The following INPP4B variants were observed in gnomAD, a reference collection of about 807,000 sequenced individuals.
The protein encoded by INPP4B is inositol polyphosphate 4-phosphatase type II.
In INPP4B, 55 loss-of-function variants were observed where a neutral mutation model predicts 122.5. That is an observed-to-expected ratio of 0.45 (90% CI 0.36 to 0.56). The LOEUF (loss-of-function observed/expected upper bound fraction) is 0.56, where lower values mean the gene tolerates loss of function less well. Ranked by LOEUF, INPP4B falls within the 20% of genes least tolerant of loss-of-function variation. INPP4B has a pLI of 0.00. For missense variants in INPP4B, 1,000 were observed against 1,097.7 expected (o/e 0.91, Z 1.26); for synonymous variants, 403 against 388.7 (o/e 1.04, Z -0.43).
At chr4:142,293,117 C>T (rs1218494330) in intron 9 of INPP4B, among the ~76,000 whole-genome samples, 1 of 150,544 alleles carries the variant, frequency 6.6e-6, no homozygotes, top group African/African-American at 2.4e-5. Flanking sequence ...TGGCTGACTG[C>T]AACCTCCACT....
At chr4:142,250,218 A>G (rs2150175751) in intron 11 of INPP4B, among the ~76,000 whole-genome samples, 1 of 152,304 alleles carries the variant, frequency 6.6e-6, no homozygotes, top group South Asian at 2.1e-4. Flanking sequence ...CAACATACAC[A>G]TTCAACTTGC....
chr4:142,113,378 A>T (rs1480660549), intron 21 of INPP4B, among the ~76,000 whole-genome samples: 1 of 152,014 alleles, frequency 6.6e-6, no homozygotes, highest in East Asian at 1.9e-4. Flanking sequence ...TGAATATAGA[A>T]ATTTAGAAAG....
At chr4:142,364,744 T>A (rs1340750613) in intron 7 of INPP4B, among the ~76,000 whole-genome samples, 1 of 151,978 alleles carries the variant, frequency 6.6e-6, no homozygotes, top group Non-Finnish European at 1.5e-5. Context: ...CAGGATCAGA[T>A]TCAGGAGACT....
chr4:142,105,798 A>T (rs1325473652), intron 23 of INPP4B, among the ~76,000 whole-genome samples: 1 of 152,178 alleles, frequency 6.6e-6, no homozygotes, highest in East Asian at 1.9e-4. Flanking sequence ...CATTGACACA[A>T]ATTATCCCTT....
intron 25 of INPP4B, among the ~76,000 whole-genome samples, chr4:142,074,005 G>A (rs1021277419): frequency 1.3e-5 from 2 of 151,936 alleles, no homozygotes; most frequent in Admixed American, 1.3e-4. Flanking sequence ...CCCCCTCCCA[G>A]CTAAAAAGCT....
chr4:142,151,511 G>A (rs762407293), intron 17 of INPP4B, among the ~76,000 whole-genome samples: 12 of 152,100 alleles, frequency 7.9e-5, no homozygotes, highest in Non-Finnish European at 1.5e-4. Context: ...GGAATTCCTT[G>A]TAACAATTAA....
intron 2 of INPP4B, among the ~76,000 whole-genome samples, chr4:142,648,307 C>G: frequency 6.6e-6 from 1 of 152,212 alleles, no homozygotes; most frequent in East Asian, 1.9e-4. Context: ...GTTTATCTCA[C>G]AGGGACTGGT....
At chr4:142,115,458 A>C (rs1578954267) in intron 21 of INPP4B, among the ~76,000 whole-genome samples, 1 of 152,220 alleles carries the variant, frequency 6.6e-6, no homozygotes, top group African/African-American at 2.4e-5. Context: ...CTAACAGCAG[A>C]TCTCTTGGCA....
At chr4:142,600,603 C>T (rs1196644125) in intron 2 of INPP4B, among the ~76,000 whole-genome samples, 11 of 151,992 alleles carry the variant, frequency 7.2e-5, no homozygotes, top group Non-Finnish European at 1.3e-4. Flanking sequence ...ACAGAAAAAG[C>T]ATATCACAAG....
intron 2 of INPP4B, among the ~76,000 whole-genome samples, chr4:142,668,543 G>A (rs1254572142): frequency 6.6e-6 from 1 of 152,066 alleles, no homozygotes; most frequent in Non-Finnish European, 1.5e-5. Context: ...AAATCAAAAA[G>A]GAATAACTTA....
chr4:142,124,891 G>A, intron 18 of INPP4B, 131 bp from the exon 19 acceptor site: 1 of 697,432 alleles, frequency 1.4e-6, no homozygotes, highest in Non-Finnish European at 2.2e-6. Context: ...ACAAAGATTA[G>A]AGCTGAAGAT....
At chr4:142,029,027 C>G in intron 25 of INPP4B, 113 bp from the exon 26 acceptor site, 1 of 1,441,222 alleles carries the variant, frequency 6.9e-7, no homozygotes, top group Non-Finnish European at 9.1e-7. Context: ...AAAGATTCAA[C>G]TCTACATTTT....
Position 142,320,670 on chromosome 4 carries a change from C to T in INPP4B, c.373-5908G>A, listed in dbSNP as rs559590820. Among the ~76,000 whole-genome samples the T allele has an allele frequency of 1.1e-3, 164 of 152,244 alleles. 2 individuals carry two copies. In the South Asian group the frequency reaches 0.033, roughly 30 times the overall value. ...CCCCACTCCCACCCTTCCCCAAGTC[C>T]CCAAAATCTACTTATCTTTCTTATG... On this transcript the variant is annotated intron_variant, in intron 7 of 25. Transcript: ENST00000262992.
intron 2 of INPP4B, among the ~76,000 whole-genome samples, chr4:142,707,385 T>A (rs558798714): frequency 2.6e-4 from 40 of 152,168 alleles, no homozygotes; most frequent in Admixed American, 2.6e-3. Flanking sequence ...GGCTCCTTAG[T>A]TATGTCTTTC....
chr4:142,783,943 G>A (rs1196613611), intron 1 of INPP4B, among the ~76,000 whole-genome samples: 1 of 152,076 alleles, frequency 6.6e-6, no homozygotes, highest in African/African-American at 2.4e-5. Context: ...TTATAAGAAG[G>A]AGAAATTTTA....
In INPP4B at chr4:142,208,504, G is replaced by C; in HGVS notation, c.993C>G (p.Ser331Arg). 5 of 1,597,690 alleles carry C rather than the reference G, an allele frequency of 3.1e-6. No homozygotes were observed. In the South Asian group the frequency reaches 5.6e-5, roughly 18 times the overall value. ...ETGSSFKSSSSKGEKTLEFVP... is the reference protein window; with the variant it reads ...ETGSSFKSSSRKGEKTLEFVP... ...CAAATTCTAATGTTTTCTCTCCTTT[G>C]CTGCTGCTTGATTTGAAAGAGGACC... Residue 331 changes from serine to arginine, a missense_variant, in exon 14 of 26, where the codon AGC becomes AGG. Transcript: ENST00000262992.
intron 17 of INPP4B, among the ~76,000 whole-genome samples, chr4:142,158,404 T>C (rs66625631): frequency 0.085 from 12,969 of 152,136 alleles, 717 homozygotes; most frequent in Middle Eastern, 0.17. Context: ...GTTCACCTGC[T>C]GTCCCCAGCA....
chr4:142,084,623 C>T (rs1028951265), intron 24 of INPP4B, among the ~76,000 whole-genome samples: 3 of 152,082 alleles, frequency 2.0e-5, no homozygotes, highest in African/African-American at 7.2e-5. Context: ...GAGGCATTAG[C>T]TAACAGAAAT....
intron 2 of INPP4B, among the ~76,000 whole-genome samples, chr4:142,553,870 G>A (rs571107276): frequency 5.9e-5 from 9 of 152,220 alleles, no homozygotes; most frequent in African/African-American, 2.2e-4. Flanking sequence ...ATGAATGGCT[G>A]CACCGTCAGT....
Sources: allele counts gnomAD v4.1 joint callset (sites outside exome capture counted in the v4.1 genomes callset), GRCh38; gene constraint gnomAD v4.1.1; transcripts MANE v1.5; gene names NCBI Gene and HGNC (gene_info 2026-07-23, HGNC 2026-07-21).